Variants in SI observed in about 807,000 individuals in gnomAD.
SI encodes the protein sucrase-isomaltase.
A neutral mutation model predicts 253.3 loss-of-function variants in SI; 235 were observed. That is an observed-to-expected ratio of 0.93 (90% CI 0.83 to 1.03). SI has a LOEUF of 1.03. Among genes scored for constraint, SI ranks in the 50% least tolerant of loss-of-function variants. The probability of loss-of-function intolerance (pLI) is 0.00; values close to 1 mark genes in which losing one functional copy is unlikely to be tolerated. For synonymous variants in SI, 819 were observed against 712.0 expected (o/e 1.15, Z -2.39); for missense variants, 2,442 against 2,211.1 (o/e 1.10, Z -2.09).
intron 13 of SI, among the ~76,000 whole-genome samples, chr3:165,053,854 A>G (rs1713556260): frequency 6.6e-6 from 1 of 152,132 alleles, no homozygotes; most frequent in African/African-American, 2.4e-5. Context: ...GTTAAATAAT[A>G]TAAGAACTAG....
intron 44 of SI, 146 bp from the exon 45 acceptor site, chr3:164,987,372 C>A (rs1717488664): frequency 5.9e-6 from 4 of 676,746 alleles, no homozygotes; most frequent in Admixed American, 2.6e-5. Context: ...AAAGCATTTC[C>A]ATTTTTCTAA....
rs766427142 is a variant in SI, at chr3:165,017,838, G to A, written c.3556C>T (p.Arg1186Cys). 1.1e-5 allele frequency: 17 copies of A among 1,612,878 alleles called. No individual in the cohort carries two copies. The highest frequency in any genetic ancestry group is 1.3e-5 in the Non-Finnish European group (15 of 1,179,300). ...AAATCCAAGATCCCTCCAACTGTAC[G>A]GTAAGTTAGAGCAGGAGTTGGCTGG... Reference protein sequence around the residue: ...TFQPTPALTYRTVGGILDFYM... With the variant: ...TFQPTPALTYCTVGGILDFYM... The change falls in exon 30 of 48, where the codon CGT becomes TGT. Residue 1186 changes from arginine to cysteine, a missense_variant. Physicochemically the swap from Arg to Cys is radical, Grantham distance 180. Coordinates refer to ENST00000264382, the MANE Select transcript of SI (RefSeq NM_001041.4).
Position 165,007,850 on chromosome 3 carries a change from T to G in SI, c.4267+61A>C. ...AACTGATATATATCAGTTTATATTA[T>G]ATACCTATTAATATATAATAATAAC... On this transcript the variant is annotated intron_variant, in intron 36 of 47. Coordinates refer to ENST00000264382, the MANE Select transcript of SI (RefSeq NM_001041.4). 4.5e-6 allele frequency: 3 copies of G among 671,124 alleles called. No individual in the cohort carries two copies. In the South Asian group the frequency reaches 5.3e-5, roughly 12 times the overall value. 41.6% of individuals were successfully genotyped at this position (671,124 alleles called of 1,614,324 possible).
At chr3:164,994,183 A>C (rs1265087995) in intron 41 of SI, 74 bp downstream of exon 41, 1 of 1,317,110 alleles carries the variant, frequency 7.6e-7, no homozygotes, top group Non-Finnish European at 1.1e-6. Flanking sequence ...TTTATATTGC[A>C]CTATAAGAGA....
chr3:165,055,437 A>G (rs911979587), intron 12 of SI, 130 bp from the exon 13 acceptor site: 29 of 563,908 alleles, frequency 5.1e-5, no homozygotes, highest in African/African-American at 5.1e-4. Flanking sequence ...TATGTGACTC[A>G]TATATAAATT....
chr3:164,987,007 G>C, intron 45 of SI, 131 bp downstream of exon 45: 1 of 746,304 alleles, frequency 1.3e-6, no homozygotes, highest in South Asian at 1.6e-5. Flanking sequence ...AGTGAATTTA[G>C]TAAAATCTTT....
At position 165,063,314 on chromosome 3, in the gene SI, T is replaced by C. The variant is rs534008634; in HGVS notation, c.907+128A>G. ...TAATTTCAAAATCTTCTTATAATAA[T>C]GTCACATGTTAATATTAACTATAAT... On this transcript the variant is annotated intron_variant, in intron 8 of 47. Coordinates refer to ENST00000264382, the MANE Select transcript of SI (RefSeq NM_001041.4). The C allele has an allele frequency of 2.8e-3, 1,417 of 501,414 alleles. 12 individuals carry two copies. Among genetic ancestry groups the C allele is most frequent in the Non-Finnish European group, 1.4e-3 (377 of 276,560 alleles). The allele number at this position is 501,414 out of a possible 1,614,324, so 31.1% of individuals were successfully genotyped here. A position where few individuals can be genotyped will look rare whatever the true frequency, so the allele number is the denominator to read the frequency against.
At chr3:164,990,471 T>C (rs570343561) in intron 44 of SI, among the ~76,000 whole-genome samples, 8 of 152,170 alleles carry the variant, frequency 5.3e-5, no homozygotes, top group Non-Finnish European at 1.2e-4. Context: ...GAATATCCTG[T>C]TGGAAGACAG....
intron 37 of SI, among the ~76,000 whole-genome samples, chr3:164,999,222 T>A (rs1198630840): frequency 6.6e-6 from 1 of 151,826 alleles, no homozygotes; most frequent in Non-Finnish European, 1.5e-5. Context: ...AGTAAGTTCT[T>A]CTCAACAGAA....
chr3:165,082,058 A>G (rs6443453), upstream of SI, among the ~76,000 whole-genome samples: 89,134 of 151,648 alleles, frequency 0.59, 26,513 homozygotes, highest in East Asian at 0.81. Flanking sequence ...GACTTTTTAG[A>G]TGTATCTCTA....
intron 33 of SI, among the ~76,000 whole-genome samples, chr3:165,013,378 A>G (rs1718861810): frequency 6.6e-6 from 1 of 152,154 alleles, no homozygotes; most frequent in Admixed American, 6.6e-5. Context: ...ATAGTATATT[A>G]GAATTATTTG....
upstream of SI, among the ~76,000 whole-genome samples, chr3:165,081,228 T>C (rs908288588): frequency 6.6e-6 from 1 of 151,998 alleles, no homozygotes. Flanking sequence ...CAAATATAAA[T>C]TCTTAAAATT....
chr3:165,032,204 G>T (rs988352201), intron 24 of SI, among the ~76,000 whole-genome samples: 8 of 151,048 alleles, frequency 5.3e-5, no homozygotes, highest in African/African-American at 1.2e-4. Flanking sequence ...GCAATAGGTA[G>T]GTTAGAGTTC....
At chr3:165,047,046 A>G in intron 15 of SI, 34 bp from the exon 16 acceptor site, 1 of 1,455,400 alleles carries the variant, frequency 6.9e-7, no homozygotes, top group East Asian at 2.5e-5. Context: ...AATACAATTT[A>G]TTTTAAAAAA....
chr3:165,014,877 C>G lies in SI; in HGVS notation c.3999+246G>C, dbSNP rs1206639594. On this transcript the variant is annotated intron_variant, in intron 33 of 47. Coordinates refer to ENST00000264382, the MANE Select transcript of SI (RefSeq NM_001041.4). ...GTCTTATAATAAATTACAAGTGGTA[C>G]CAATAAATATAATAAAATATGTCTT... 2.0e-5 allele frequency among the ~76,000 whole-genome samples: 3 copies of G among 151,834 alleles called. No individual in the cohort carries two copies. In the East Asian group the frequency reaches 5.8e-4, roughly 29 times the overall value.
At chr3:165,017,308 T>C (rs1719084527) in intron 31 of SI, among the ~76,000 whole-genome samples, 1 of 151,952 alleles carries the variant, frequency 6.6e-6, no homozygotes, top group Non-Finnish European at 1.5e-5. Context: ...AGTGACTTGT[T>C]TAGCACAACA....
At chr3:164,985,995 T>G (rs1329303974) in intron 45 of SI, among the ~76,000 whole-genome samples, 1 of 151,932 alleles carries the variant, frequency 6.6e-6, no homozygotes, top group East Asian at 1.9e-4. Context: ...AGATCTAAAT[T>G]AAAATATATC....
intron 6 of SI, 57 bp from the exon 7 acceptor site, chr3:165,065,489 A>ATATATATATG (rs1232995448): frequency 7.2e-6 from 2 of 277,452 alleles, no homozygotes; most frequent in African/African-American, 5.0e-5. Flanking sequence ...ATATATATAT[A>ATATATATATG]TATATGATAT....
intron 3 of SI, among the ~76,000 whole-genome samples, chr3:165,073,784 G>A (rs1481111202): frequency 1.3e-5 from 2 of 152,026 alleles, no homozygotes; most frequent in Non-Finnish European, 2.9e-5. Context: ...TATTTGTATA[G>A]CATTTACATG....
Sources: allele counts gnomAD v4.1 joint callset (sites outside exome capture counted in the v4.1 genomes callset), GRCh38; gene constraint gnomAD v4.1.1; transcripts MANE v1.5; gene names NCBI Gene and HGNC (gene_info 2026-07-23, HGNC 2026-07-21).